Variants in BICD1 observed in about 807,000 individuals in gnomAD.
BICD1 encodes the protein BICD cargo adaptor 1.
Under a neutral mutation model 92.5 loss-of-function variants are expected in BICD1, and 35 were observed. That is an observed-to-expected ratio of 0.38 (90% CI 0.29 to 0.50). BICD1 has a LOEUF of 0.50. BICD1 is among the 20% of genes least tolerant of loss of function. The pLI is 0.93. For missense variants in BICD1, 950 were observed against 1,189.8 expected (o/e 0.80, Z 2.97); for synonymous variants, 429 against 465.1 (o/e 0.92, Z 1.00).
At chr12:32,233,518 C>T (rs1298285781) in intron 2 of BICD1, among the ~76,000 whole-genome samples, 3 of 151,654 alleles carry the variant, frequency 2.0e-5, no homozygotes, top group African/African-American at 4.8e-5. Flanking sequence ...CCCTCCCTCC[C>T]GTTCTTCCCC....
At chr12:32,191,351 A>G (rs1181137722) in intron 1 of BICD1, among the ~76,000 whole-genome samples, 1 of 151,928 alleles carries the variant, frequency 6.6e-6, no homozygotes, top group Non-Finnish European at 1.5e-5. Flanking sequence ...ACTCAAATAA[A>G]TGAAATTATA....
chr12:32,204,548 A>T (rs1018358321), intron 1 of BICD1, among the ~76,000 whole-genome samples: 1 of 152,176 alleles, frequency 6.6e-6, no homozygotes, highest in Admixed American at 6.5e-5. Context: ...TGCTGGTGGC[A>T]GTTGAATTAG....
intron 8 of BICD1, among the ~76,000 whole-genome samples, chr12:32,359,894 T>C (rs1939255621): frequency 6.6e-6 from 1 of 152,128 alleles, no homozygotes; most frequent in South Asian, 2.1e-4. Context: ...TTTAAGGATA[T>C]GAGTATGTGG....
chr12:32,306,380 A>G (rs1270521748), intron 4 of BICD1, among the ~76,000 whole-genome samples: 8 of 152,108 alleles, frequency 5.3e-5, no homozygotes, highest in African/African-American at 1.9e-4. Flanking sequence ...AGTAGCTGGG[A>G]CTACAGGTGC....
At chr12:32,258,472 G>C (rs1435225420) in intron 2 of BICD1, among the ~76,000 whole-genome samples, 1 of 152,088 alleles carries the variant, frequency 6.6e-6, no homozygotes, top group Non-Finnish European at 1.5e-5. Flanking sequence ...GGAAACGAGA[G>C]ATCTAAGAAA....
intron 2 of BICD1, among the ~76,000 whole-genome samples, chr12:32,242,056 A>AAACAAACAAACAAAC (rs571056325): frequency 6.0e-4 from 90 of 150,296 alleles, no homozygotes; most frequent in Non-Finnish European, 9.1e-4. Context: ...AACAAACAAA[A>AAACAAACAAACAAAC]AAACAAAAAT....
Position 32,153,781 on chromosome 12 carries a change from ATG to A in BICD1, c.213+46253_213+46254del, listed in dbSNP as rs57798666. On this transcript the variant is annotated intron_variant, in intron 1 of 9. Transcript: ENST00000652176. Reference sequence around the variant, plus strand: ...TATATGTGTGTGTACATATATATATATGTGTGTGTGTGTGTGTATATATGTAA... The same window carrying A: ...TATATGTGTGTGTACATATATATATATGTGTGTGTGTGTGTATATATGTAA... Among the ~76,000 whole-genome samples the A allele has an allele frequency of 7.1e-3, 1,045 of 148,086 alleles. 13 individuals are homozygous for A. Among genetic ancestry groups the A allele is most frequent in the Non-Finnish European group, 8.3e-3 (558 of 67,212 alleles).
chr12:32,346,536 G>GTATATATA, intron 8 of BICD1, among the ~76,000 whole-genome samples: 1 of 24,136 alleles, frequency 4.1e-5, no homozygotes, highest in South Asian at 1.4e-3. Flanking sequence ...ATATATACGT[G>GTATATATA]TATATATATA....
At chr12:32,304,711 G>A (rs1359822216) in intron 3 of BICD1, among the ~76,000 whole-genome samples, 1 of 152,126 alleles carries the variant, frequency 6.6e-6, no homozygotes, top group Non-Finnish European at 1.5e-5. Context: ...CATTTCAAAA[G>A]AATATTACCT....
chr12:32,222,049 C>G (rs555410910), intron 2 of BICD1, among the ~76,000 whole-genome samples: 1 of 152,274 alleles, frequency 6.6e-6, no homozygotes, highest in East Asian at 1.9e-4. Flanking sequence ...TTAATGAAAT[C>G]ATAAAATAGG....
Position 32,338,943 on chromosome 12 carries a change from C to T in BICD1, c.2728C>T (p.Leu910Phe), listed in dbSNP as rs1219549059. The change falls in exon 8 of 10, where the codon CTC becomes TTC. Residue 910 changes from leucine to phenylalanine, a missense_variant. Leu to Phe is a conservative substitution (Grantham distance 22, BLOSUM62 0). Coordinates refer to ENST00000652176, the MANE Select transcript of BICD1 (RefSeq NM_001714.4). ...GAGTGAATTCATCCAAGGGCACCGG[C>T]TCAGCAAGGAAAAAAGGTTAACCGT... ...SMSEFIQGHR[L>F]SKEKRLTVAP... is the part of the protein sequence containing the mutation. 7 of 1,605,126 alleles carry T rather than the reference C, an allele frequency of 4.4e-6. No homozygotes were observed. The highest frequency in any genetic ancestry group is 5.9e-6 in the Non-Finnish European group (7 of 1,176,908).
At chr12:32,177,040 C>T (rs1371563076) in intron 1 of BICD1, among the ~76,000 whole-genome samples, 1 of 151,486 alleles carries the variant, frequency 6.6e-6, no homozygotes, top group Non-Finnish European at 1.5e-5. Context: ...TTTGGCCGGG[C>T]ATGGTGGCTC....
At chr12:32,240,451 C>T (rs1201698434) in intron 2 of BICD1, among the ~76,000 whole-genome samples, 1 of 152,178 alleles carries the variant, frequency 6.6e-6, no homozygotes, top group East Asian at 1.9e-4. Context: ...CTCATGTCTG[C>T]TTCCTCCATC....
chr12:32,198,323 CATCTATCTATATATATATAT>C (rs1429932188), intron 1 of BICD1, among the ~76,000 whole-genome samples: 2 of 87,920 alleles, frequency 2.3e-5, no homozygotes, highest in Non-Finnish European at 4.6e-5. Context: ...GAATAATATG[CATCTATCTATATATATATAT>C]ATATATATAT....
rs1162220941 is a variant in BICD1 at position 32,306,056 on chromosome 12, T to A, written c.939T>A (p.Pro313=). The change falls in exon 4 of 10, where the codon CCT becomes CCA. Residue 313 remains proline (P), a synonymous_variant. Transcript: ENST00000652176. ...TAAGGAAAGGAGAGTCTCTGAACCC[T>A]GTCTCTGACTTATTCAGTGAGCTGA... is the stretch of plus-strand genomic sequence containing the variant. ...PTLRKGESLN[P]VSDLFSELNI... is the part of the protein sequence containing the mutation. 1.9e-6 allele frequency: 3 copies of A among 1,613,814 alleles called. No individual in the cohort carries two copies. Among genetic ancestry groups the A allele is most frequent in the African/African-American group, 1.3e-5 (1 of 74,924 alleles).
chr12:32,339,029 G>GAC (rs551006428), intron 8 of BICD1, 50 bp downstream of exon 8: 1,061 of 1,520,492 alleles, frequency 7.0e-4, no homozygotes, highest in Non-Finnish European at 8.8e-4. Context: ...TAGTTGAATA[G>GAC]ACTCTCCCCT....
At chr12:32,184,526 C>T (rs1286579039) in intron 1 of BICD1, among the ~76,000 whole-genome samples, 3 of 152,144 alleles carry the variant, frequency 2.0e-5, no homozygotes, top group Admixed American at 1.3e-4. Context: ...ACCTCGTGAT[C>T]CACCCACCTC....
At chr12:32,134,303 G>A (rs1180466296) in intron 1 of BICD1, among the ~76,000 whole-genome samples, 1 of 152,136 alleles carries the variant, frequency 6.6e-6, no homozygotes, top group African/African-American at 2.4e-5. Flanking sequence ...TATGGTCCCC[G>A]AGGGCCAGGG....
At chr12:32,222,582 G>A (rs189246434) in intron 2 of BICD1, among the ~76,000 whole-genome samples, 81 of 152,246 alleles carry the variant, frequency 5.3e-4, no homozygotes, top group Admixed American at 4.6e-3. Flanking sequence ...TCCCTCTTCC[G>A]AACCCTGCCT....
Sources: allele counts gnomAD v4.1 joint callset (sites outside exome capture counted in the v4.1 genomes callset), GRCh38; gene constraint gnomAD v4.1.1; transcripts MANE v1.5; gene names NCBI Gene and HGNC (gene_info 2026-07-23, HGNC 2026-07-21).